ABCC2: variants seen among roughly 807,000 people sequenced by gnomAD.
ABCC2 encodes the protein ATP-binding cassette sub-family C member 2.
Under a neutral mutation model 173.4 loss-of-function variants are expected in ABCC2, and 157 were observed. The ratio of observed to expected loss-of-function variants is 0.91; its 90% CI spans 0.80 to 1.03. The LOEUF (loss-of-function observed/expected upper bound fraction) is 1.03. ABCC2 is among the 50% of genes least tolerant of loss of function. The pLI, the probability that ABCC2 is intolerant of heterozygous loss-of-function variation, is 0.00. For synonymous variants in ABCC2, 657 were observed against 693.5 expected, an observed-to-expected ratio of 0.95 and a Z score of 0.83; for missense variants, 1,822 against 1,852.3, an observed-to-expected ratio of 0.98 and a Z score of 0.30.
At chr10:99,846,797 C>T (rs1240862920) in intron 29 of ABCC2, among the ~76,000 whole-genome samples, 164 bp from the exon 30 acceptor site, 1 of 152,184 alleles carries the variant, frequency 6.6e-6, no homozygotes, top group Non-Finnish European at 1.5e-5. Context: ...GTAGCCACTC[C>T]GAGCCTTAGG....
chr10:99,810,017 A>C (rs1416444900), intron 13 of ABCC2, 117 bp from the exon 14 acceptor site: 4 of 904,394 alleles, frequency 4.4e-6, no homozygotes, highest in African/African-American at 1.6e-5. Context: ...TTCGGTGGAG[A>C]TTAGGAGATG....
intron 24 of ABCC2, among the ~76,000 whole-genome samples, chr10:99,835,653 T>G (rs1443798599): frequency 6.6e-6 from 1 of 152,138 alleles, no homozygotes; most frequent in Non-Finnish European, 1.5e-5. Flanking sequence ...AACCTAGGCA[T>G]GCCTTTTTCT....
chr10:99,828,909 C>G (rs1480237570), intron 19 of ABCC2, among the ~76,000 whole-genome samples: 1 of 151,582 alleles, frequency 6.6e-6, no homozygotes. Flanking sequence ...CTTTCCTGGA[C>G]ATGTGCACAG....
At chr10:99,792,529 A>G (rs1490953119) in intron 3 of ABCC2, among the ~76,000 whole-genome samples, 170 bp downstream of exon 3, 1 of 152,164 alleles carries the variant, frequency 6.6e-6, no homozygotes, top group East Asian at 1.9e-4. Flanking sequence ...TTAGCTTTTC[A>G]TCTTCATTTG....
rs767350747 is a variant in ABCC2, at chr10:99,818,850, A to G, written c.2332A>G (p.Asn778Asp). 6.8e-6 allele frequency: 11 copies of G among 1,613,986 alleles called. No individual in the cohort carries two copies. The highest frequency in any genetic ancestry group is 9.3e-6 in the Non-Finnish European group (11 of 1,180,028). ...RISLARATYQ[N>D]LDIYLLDDPL... is the part of the protein sequence containing the mutation. Reference sequence around the variant, plus strand: ...CAGCCTGGCCAGAGCTACCTACCAAAATTTAGACATCTATCTTCTAGATGA... The same window carrying G: ...CAGCCTGGCCAGAGCTACCTACCAAGATTTAGACATCTATCTTCTAGATGA... Residue 778 changes from asparagine to aspartate, a missense_variant, in exon 18 of 32, where the codon AAT becomes GAT. Asn to Asp is a conservative substitution (Grantham distance 23, BLOSUM62 1). Coordinates refer to ENST00000647814, the MANE Select transcript of ABCC2 (RefSeq NM_000392.5).
chr10:99,814,106 C>CACACATATGTGTGTATATATACACACAT (rs1564682993), intron 16 of ABCC2, among the ~76,000 whole-genome samples: 1 of 63,442 alleles, frequency 1.6e-5, no homozygotes, highest in African/African-American at 5.5e-5. Context: ...TATATACACA[C>CACACATATGTGTGTATATATACACACAT]ATATGTGTAT....
In ABCC2 at chr10:99,852,041, T is replaced by G. The variant is rs12251995; in HGVS notation, c.*410T>G. 0.017 allele frequency: 3,067 copies of G among 175,266 alleles called. 95 individuals carry two copies. Among genetic ancestry groups the G allele is most frequent in the African/African-American group, 0.068 (2,855 of 41,748 alleles). The allele number at this position is 175,266 out of a possible 1,614,324, so 10.9% of individuals were successfully genotyped here. A position where few individuals can be genotyped will look rare whatever the true frequency, so the allele number is the denominator to read the frequency against. On this transcript the variant is annotated 3_prime_UTR_variant, in exon 32 of 32. Coordinates refer to ENST00000647814, the MANE Select transcript of ABCC2 (RefSeq NM_000392.5). ...CTTTTGTTCAATATTATATCTGAGA[T>G]TCATCCATGGTGATGCAAATAGGTG...
chr10:99,825,294 G>C (rs1490223958), intron 19 of ABCC2, among the ~76,000 whole-genome samples: 1 of 152,208 alleles, frequency 6.6e-6, no homozygotes, highest in African/African-American at 2.4e-5. Flanking sequence ...TCAGTACTTT[G>C]ATACACTTCT....
chr10:99,811,440 TC>T lies in ABCC2; in HGVS notation c.1901-94del, dbSNP rs1229926292. The T allele has an allele frequency of 8.3e-5, 104 of 1,253,014 alleles. No individual in the cohort carries two copies. In the East Asian group the frequency reaches 2.0e-3, roughly 24 times the overall value. The allele number at this position is 1,253,014 out of a possible 1,614,324, so 77.6% of individuals were successfully genotyped here. A position where few individuals can be genotyped will look rare whatever the true frequency, so the allele number is the denominator to read the frequency against. The stretch of plus-strand genomic sequence containing the variant: ...AGGAGCCAGCACTTAGCAGAAACAA[TC>T]CTAGGAGCTGATGGAGAAAGCGGAG... On this transcript the variant is annotated intron_variant, in intron 14 of 31. Transcript: ENST00000647814.
intron 19 of ABCC2, among the ~76,000 whole-genome samples, chr10:99,828,434 G>A (rs561357984): frequency 1.8e-4 from 27 of 152,266 alleles, no homozygotes; most frequent in African/African-American, 6.3e-4. Flanking sequence ...ATCACAAACT[G>A]AATGGCCACA....
intron 19 of ABCC2, among the ~76,000 whole-genome samples, chr10:99,821,633 GA>G (rs1270706294): frequency 6.6e-6 from 1 of 152,198 alleles, no homozygotes; most frequent in Non-Finnish European, 1.5e-5. Flanking sequence ...ATTTAACCCT[GA>G]GTTTGACACA....
chr10:99,787,896 T>C (rs1469410495), intron 2 of ABCC2, among the ~76,000 whole-genome samples: 1 of 151,782 alleles, frequency 6.6e-6, no homozygotes, highest in Non-Finnish European at 1.5e-5. Flanking sequence ...GACCGATCTC[T>C]ACAAAAAATT....
At chr10:99,820,404 A>G (rs1355119141) in intron 19 of ABCC2, among the ~76,000 whole-genome samples, 1 of 151,986 alleles carries the variant, frequency 6.6e-6, no homozygotes, top group African/African-American at 2.4e-5. Context: ...ACACACACAC[A>G]CACACAAAAC....
intron 17 of ABCC2, among the ~76,000 whole-genome samples, chr10:99,817,735 A>G (rs1314423041): frequency 6.6e-6 from 1 of 152,212 alleles, no homozygotes; most frequent in Non-Finnish European, 1.5e-5. Flanking sequence ...GATGAGGCAA[A>G]GGCCATGAGA....
In ABCC2 at chr10:99,794,477, G is replaced by T; in HGVS notation, c.632+9G>T. 2 of 1,610,130 alleles carry T rather than the reference G, an allele frequency of 1.2e-6. No individual in the cohort carries two copies. The highest frequency in any genetic ancestry group is 2.7e-5 in the African/African-American group (2 of 74,934). On this transcript the variant is annotated intron_variant, in intron 6 of 31. Transcript: ENST00000647814. ...TACAGCTGGTATGACAGGTAGGAAAGCCTGGAGTATGGATTGGCTGTATCC... is the reference window on the plus strand; with the variant it reads ...TACAGCTGGTATGACAGGTAGGAAATCCTGGAGTATGGATTGGCTGTATCC...
At chr10:99,809,682 C>T (rs962551075) in intron 13 of ABCC2, among the ~76,000 whole-genome samples, 6 of 152,238 alleles carry the variant, frequency 3.9e-5, no homozygotes, top group South Asian at 2.1e-4. Context: ...ATTTAAGCTT[C>T]GGCTATCTGG....
chr10:99,820,132 C>A (rs184872048), intron 19 of ABCC2, among the ~76,000 whole-genome samples: 5 of 152,368 alleles, frequency 3.3e-5, no homozygotes, highest in Admixed American at 2.6e-4. Context: ...TGGCTCACGC[C>A]TGTAATCCCA....
At chr10:99,851,310 A>G (rs1012394540) in intron 31 of ABCC2, among the ~76,000 whole-genome samples, 192 bp from the exon 32 acceptor site, 1 of 152,140 alleles carries the variant, frequency 6.6e-6, no homozygotes, top group African/African-American at 2.4e-5. Context: ...GTATTCTTCT[A>G]TTACTTGATT....
intron 6 of ABCC2, among the ~76,000 whole-genome samples, chr10:99,795,719 AGAAG>A (rs1416119986): frequency 6.9e-6 from 1 of 144,274 alleles, no homozygotes; most frequent in African/African-American, 2.6e-5. Context: ...AGAGAGAGAG[AGAAG>A]AAAGAAAGAA....
Sources: allele counts gnomAD v4.1 joint callset (sites outside exome capture counted in the v4.1 genomes callset), GRCh38; gene constraint gnomAD v4.1.1; transcripts MANE v1.5; gene names NCBI Gene and HGNC (gene_info 2026-07-23, HGNC 2026-07-21).